The following TRAF3 variants were observed in gnomAD, a reference collection of about 807,000 sequenced individuals.
TRAF3 encodes TNF receptor associated factor 3, also known as TNF receptor-associated factor 3.
A neutral mutation model predicts 62.3 loss-of-function variants in TRAF3; 13 were observed. The observed-to-expected ratio is 0.21, with a 90% CI of 0.14 to 0.33. TRAF3 has a LOEUF of 0.33. Ranked by LOEUF, TRAF3 falls within the 10% of genes least tolerant of loss-of-function variation. The pLI, the probability that TRAF3 is intolerant of heterozygous loss-of-function variation, is 1.00. For synonymous variants in TRAF3, 269 were observed against 283.4 expected (o/e 0.95, Z 0.51); for missense variants, 440 against 741.8 (o/e 0.59, Z 4.73).
At chr14:102,887,010 G>A (rs1165708943) in intron 7 of TRAF3, among the ~76,000 whole-genome samples, 1 of 152,200 alleles carries the variant, frequency 6.6e-6, no homozygotes, top group East Asian at 1.9e-4. Context: ...CTGCCAGAAG[G>A]GCCCCTGTGT....
rs116396350 is a variant in TRAF3 at position 102,829,719 on chromosome 14, T to C, written c.-156-615T>C. On this transcript the variant is annotated intron_variant, in intron 1 of 11. Coordinates refer to ENST00000392745, the MANE Select transcript of TRAF3 (RefSeq NM_145725.3). Reference sequence around the variant, plus strand: ...TTCCAGGGTATCATGGGGATTGGTTTTGGGGAGGGAGGCCCAAGTTAGAAA... The same window carrying C: ...TTCCAGGGTATCATGGGGATTGGTTCTGGGGAGGGAGGCCCAAGTTAGAAA... Among the ~76,000 whole-genome samples the C allele has an allele frequency of 2.1e-3, 320 of 152,300 alleles. 3 individuals carry two copies. The highest frequency in any genetic ancestry group is 6.8e-3 in the Middle Eastern group (2 of 294).
intron 6 of TRAF3, among the ~76,000 whole-genome samples, chr14:102,878,005 A>G (rs535991226): frequency 9.8e-5 from 15 of 152,376 alleles, no homozygotes; most frequent in Admixed American, 7.8e-4. Context: ...AGCACTTTTT[A>G]TCTGACTTTA....
intron 8 of TRAF3, among the ~76,000 whole-genome samples, chr14:102,889,936 A>C (rs1889615672): frequency 1.3e-5 from 2 of 152,262 alleles, no homozygotes; most frequent in Admixed American, 1.3e-4. Context: ...TGGGGTTTTC[A>C]GATAGATTGT....
Position 102,877,003 on chromosome 14 carries a change from C to T in TRAF3, c.570+478C>T, listed in dbSNP as rs184785585. Among the ~76,000 whole-genome samples, 551 of 146,398 alleles carry T rather than the reference C, an allele frequency of 3.8e-3. 12 individuals carry two copies. The highest frequency in any genetic ancestry group is 0.014 in the African/African-American group (508 of 36,448). On this transcript the variant is annotated intron_variant, in intron 6 of 11. Transcript: ENST00000392745. ...GCCTTCCCTCAACTCATAGATAATC[C>T]ATTCCACAGGCCTTCCACTCAATTC...
intron 6 of TRAF3, among the ~76,000 whole-genome samples, chr14:102,882,369 G>A (rs1306529241): frequency 1.3e-5 from 2 of 152,272 alleles, no homozygotes; most frequent in East Asian, 1.9e-4. Flanking sequence ...GTGTGTGTCA[G>A]CTTCTCTCAG....
intron 9 of TRAF3, chr14:102,895,108 G>A (rs748675143): frequency 2.6e-5 from 12 of 455,756 alleles, no homozygotes; most frequent in South Asian, 4.6e-5. Context: ...ATTCTGTCCC[G>A]TCTTTGACAG....
intron 2 of TRAF3, among the ~76,000 whole-genome samples, chr14:102,860,553 A>G (rs984462791): frequency 2.6e-5 from 4 of 152,234 alleles, no homozygotes; most frequent in Non-Finnish European, 2.9e-5. Flanking sequence ...CAAACTGCCA[A>G]TATTCCTGGC....
chr14:102,780,639 T>C (rs1897237041), intron 1 of TRAF3, among the ~76,000 whole-genome samples: 1 of 152,114 alleles, frequency 6.6e-6, no homozygotes, highest in Non-Finnish European at 1.5e-5. Flanking sequence ...ACTTTAGGAA[T>C]CAGGTTGGAA....
chr14:102,889,905 A>G (rs1595399457), intron 8 of TRAF3, among the ~76,000 whole-genome samples: 1 of 152,240 alleles, frequency 6.6e-6, no homozygotes, highest in South Asian at 2.1e-4. Context: ...TAGTAATGCA[A>G]CAGGTAGACT....
rs529120904 is a variant in TRAF3, at chr14:102,896,978, G to A, written c.820-283G>A. ...GGCCTAGCTTACTCAAGAGGCTGAA[G>A]TGGGAGGATCACTTGAGCCCAGGAG... is the stretch of plus-strand genomic sequence containing the variant. On this transcript the variant is annotated intron_variant, in intron 9 of 11. Transcript: ENST00000392745. Among the ~76,000 whole-genome samples the A allele has an allele frequency of 5.3e-5, 8 of 152,226 alleles. No homozygotes were observed. The South Asian group carries it at 1.7e-3, about 32-fold the overall frequency.
intron 1 of TRAF3, among the ~76,000 whole-genome samples, chr14:102,784,612 A>G (rs533342752): frequency 6.6e-6 from 1 of 152,316 alleles, no homozygotes; most frequent in South Asian, 2.1e-4. Context: ...GCTAGGGGCT[A>G]TGCTCGTTGC....
intron 2 of TRAF3, among the ~76,000 whole-genome samples, chr14:102,865,441 G>T (rs1424835279): frequency 1.3e-5 from 2 of 150,140 alleles, no homozygotes; most frequent in Non-Finnish European, 3.0e-5. Flanking sequence ...GCTGCTTTCT[G>T]TTTTTATATA....
At chr14:102,900,180 G>GGAAA (rs1491368667) in intron 10 of TRAF3, among the ~76,000 whole-genome samples, 1 of 91,468 alleles carries the variant, frequency 1.1e-5, no homozygotes, top group Admixed American at 1.5e-4. Context: ...CTCCGTCTCG[G>GGAAA]AAAAAAAAAA....
chr14:102,799,100 CCTG>C (rs1898250743), intron 1 of TRAF3, among the ~76,000 whole-genome samples: 2 of 152,076 alleles, frequency 1.3e-5, no homozygotes. Flanking sequence ...TCAGAAGTGA[CCTG>C]AGACTGGGTG....
In TRAF3 at chr14:102,909,403, C is replaced by G. The variant is rs1890749837; in HGVS notation, c.*3619C>G. ...TTCCACCACCCCTTCCTCCCCAGAG[C>G]AGTCTCTGCCGAGGGACAGCACCTG... On this transcript the variant is annotated 3_prime_UTR_variant, in exon 12 of 12. Transcript: ENST00000392745. 8 of 152,434 alleles carry G rather than the reference C, an allele frequency of 5.2e-5. No homozygotes were observed. Among genetic ancestry groups the G allele is most frequent in the Admixed American group, 5.2e-4 (8 of 15,298 alleles). 9.4% of individuals were successfully genotyped at this position (152,434 alleles called of 1,614,324 possible).
chr14:102,847,244 A>G (rs1261380247), intron 2 of TRAF3, among the ~76,000 whole-genome samples: 1 of 152,098 alleles, frequency 6.6e-6, no homozygotes, highest in Non-Finnish European at 1.5e-5. Flanking sequence ...GCATGATCTC[A>G]GCTCACTGCA....
intron 1 of TRAF3, among the ~76,000 whole-genome samples, chr14:102,795,238 G>A (rs1284708855): frequency 2.6e-5 from 4 of 152,178 alleles, no homozygotes; most frequent in Non-Finnish European, 5.9e-5. Context: ...ACACTGAGCC[G>A]AGCAAACATG....
At chr14:102,794,312 C>G (rs1566739872) in intron 1 of TRAF3, among the ~76,000 whole-genome samples, 1 of 152,198 alleles carries the variant, frequency 6.6e-6, no homozygotes, top group Non-Finnish European at 1.5e-5. Context: ...GCAGCTGGGA[C>G]TACAGGTGCA....
chr14:102,832,588 T>C (rs1411241630), intron 2 of TRAF3, among the ~76,000 whole-genome samples: 1 of 152,158 alleles, frequency 6.6e-6, no homozygotes, highest in Admixed American at 6.5e-5. Flanking sequence ...GCAGAATTGC[T>C]TGAACCCGGG....
Sources: allele counts gnomAD v4.1 joint callset (sites outside exome capture counted in the v4.1 genomes callset), GRCh38; gene constraint gnomAD v4.1.1; transcripts MANE v1.5; gene names NCBI Gene and HGNC (gene_info 2026-07-23, HGNC 2026-07-21).